The following GAD1 variants were observed in gnomAD, a reference collection of about 807,000 sequenced individuals.
GAD1 encodes the protein 67 kDa glutamic acid decarboxylase.
A neutral mutation model predicts 75.2 loss-of-function variants in GAD1; 35 were observed. The ratio of observed to expected loss-of-function variants is 0.47; its 90% CI spans 0.36 to 0.62. GAD1 has a LOEUF of 0.62. Among genes scored for constraint, GAD1 ranks in the 20% least tolerant of loss-of-function variants. The pLI, the probability that GAD1 is intolerant of heterozygous loss-of-function variation, is 0.00. For missense variants in GAD1, 490 were observed against 758.5 expected, an observed-to-expected ratio of 0.65 and a Z score of 4.16; for synonymous variants, 257 against 271.9, an observed-to-expected ratio of 0.95 and a Z score of 0.54.
chr2:170,816,496 TG>T (rs1235672263), upstream of GAD1: 6 of 139,776 alleles, frequency 4.3e-5, no homozygotes, highest in Non-Finnish European at 7.7e-5. Context: ...CTACAATATA[TG>T]GGAGGGGGAG....
chr2:170,822,573 G>T (rs1701917331), intron 3 of GAD1, among the ~76,000 whole-genome samples: 2 of 152,230 alleles, frequency 1.3e-5, no homozygotes, highest in African/African-American at 2.4e-5. Context: ...CAGACCAAAG[G>T]CGGTGTATCT....
chr2:170,827,812 A>G (rs1702059574), intron 3 of GAD1, among the ~76,000 whole-genome samples: 1 of 152,160 alleles, frequency 6.6e-6, no homozygotes, highest in Admixed American at 6.5e-5. Context: ...TTTTTGTACA[A>G]CAGGTGCTCA....
rs1702794443 is a variant in GAD1 at position 170,853,731 on chromosome 2, G to A, written c.1264-142G>A. The A allele has an allele frequency of 3.8e-6, 3 of 784,488 alleles. No homozygotes were observed. The highest frequency in any genetic ancestry group is 6.6e-6 in the Non-Finnish European group (3 of 456,992). The allele number at this position is 784,488 out of a possible 1,614,324, so 48.6% of individuals were successfully genotyped here. ...AGAGTGATTTTAGAAAAGGGCATCA[G>A]AACAAGTGTAAGGCCTCATAAAGAC... On this transcript the variant is annotated intron_variant, in intron 13 of 16. Transcript: ENST00000358196. This position sits in a 1 kb window ranked among gnomAD's most constrained non-coding sequence, Gnocchi z 4.1.
intron 5 of GAD1, among the ~76,000 whole-genome samples, chr2:170,833,827 C>G (rs1186136707): frequency 6.6e-6 from 1 of 152,110 alleles, no homozygotes; most frequent in Non-Finnish European, 1.5e-5. Flanking sequence ...GGGCAAAACC[C>G]CATCTCTACC....
At chr2:170,830,326 C>G (rs1702188854) in intron 4 of GAD1, among the ~76,000 whole-genome samples, 1 of 152,262 alleles carries the variant, frequency 6.6e-6, no homozygotes, top group Non-Finnish European at 1.5e-5. Context: ...TTTTCCCTGC[C>G]TAACCTCTAG....
intron 10 of GAD1, among the ~76,000 whole-genome samples, chr2:170,847,010 A>T (rs529108200): frequency 6.6e-6 from 1 of 152,332 alleles, no homozygotes; most frequent in East Asian, 1.9e-4. Context: ...TCTCAGAAAA[A>T]AAGAAAAGCT....
chr2:170,846,115 G>C, intron 10 of GAD1, 52 bp downstream of exon 10: 1 of 1,423,036 alleles, frequency 7.0e-7, no homozygotes, highest in Non-Finnish European at 9.9e-7. Flanking sequence ...CCTTCTTTCT[G>C]TCCTAGACAA....
Position 170,836,869 on chromosome 2 carries a change from G to A in GAD1, c.624G>A (p.Thr208=), listed in dbSNP as rs781046977. The part of the protein sequence containing the change: ...IGLAGEWLTS[T]ANTNMFTYEI... ...TAGCTGGAGAATGGCTGACATCAAC[G>A]GCCAATACCAACATGTAAGTCTCAT... The change falls in exon 6 of 17, where the codon ACG becomes ACA. Residue 208 remains threonine (T), a synonymous_variant. Coordinates refer to ENST00000358196, the MANE Select transcript of GAD1 (RefSeq NM_000817.3). The A allele has an allele frequency of 2.0e-5, 33 of 1,612,274 alleles. No homozygotes were observed. The highest frequency in any genetic ancestry group is 1.0e-4 in the Admixed American group (6 of 59,980).
At chr2:170,830,678 C>T (rs1009912339) in intron 4 of GAD1, among the ~76,000 whole-genome samples, 14 of 152,210 alleles carry the variant, frequency 9.2e-5, no homozygotes, top group African/African-American at 2.4e-4. Flanking sequence ...AGATGACAAC[C>T]GCAGTCGCAG....
intron 6 of GAD1, among the ~76,000 whole-genome samples, chr2:170,839,071 G>T (rs757379543): frequency 6.6e-6 from 1 of 152,216 alleles, no homozygotes; most frequent in Non-Finnish European, 1.5e-5. Context: ...TTGCTCCCTT[G>T]TGACAATTCC....
In GAD1 at chr2:170,847,672, G is replaced by A. The variant is rs778338137; in HGVS notation, c.1003-4G>A. 3.1e-6 allele frequency: 5 copies of A among 1,590,832 alleles called. No homozygotes were observed. Among genetic ancestry groups the A allele is most frequent in the Non-Finnish European group, 4.3e-6 (5 of 1,158,702 alleles). On this transcript the variant is annotated splice_region_variant and splice_polypyrimidine_tract_variant and intron_variant, in intron 10 of 16. Transcript: ENST00000358196. ...CATCAGCCTATATCTGTCTTACCTT[G>A]TAGGGATATGTTCCCTTTTATGTCA...
At chr2:170,841,354 A>G (rs1702511349) in intron 6 of GAD1, among the ~76,000 whole-genome samples, 1 of 152,118 alleles carries the variant, frequency 6.6e-6, no homozygotes, top group South Asian at 2.1e-4. Flanking sequence ...TTTTACTTGG[A>G]GAGAAGGACT....
rs757983906 is a variant in GAD1 at position 170,818,571 on chromosome 2, G to A, written c.-21G>A. 1.9e-6 allele frequency: 3 copies of A among 1,612,334 alleles called. No homozygotes were observed. The highest frequency in any genetic ancestry group is 2.7e-5 in the African/African-American group (2 of 74,880). ...CCAGTCGAGGACTCTGGACAGTAGA[G>A]GCCCCGGGACGACCGAGCTGATGGC... On this transcript the variant is annotated 5_prime_UTR_variant, in exon 2 of 17. Transcript: ENST00000358196. The surrounding 1 kb of genome is among the most constrained non-coding windows in gnomAD (Gnocchi z 5.9).
chr2:170,848,655 T>TTTTC, intron 11 of GAD1: 1 of 510,956 alleles, frequency 2.0e-6, no homozygotes, highest in South Asian at 1.4e-5. Flanking sequence ...GTATTTTTTT[T>TTTTC]TTTCTTTCTC....
At chr2:170,856,023 T>C (rs765146365) in intron 14 of GAD1, among the ~76,000 whole-genome samples, 1 of 152,144 alleles carries the variant, frequency 6.6e-6, no homozygotes, top group African/African-American at 2.4e-5. Context: ...CTGCTGCAGG[T>C]TTTGACCATA....
rs750606985 is a variant in GAD1 at position 170,830,987 on chromosome 2, G to A, written c.342G>A (p.Val114=). 2 of 1,614,060 alleles carry A rather than the reference G, an allele frequency of 1.2e-6. No individual in the cohort carries two copies. The highest frequency in any genetic ancestry group is 2.7e-5 in the African/African-American group (2 of 74,914). Residue 114 remains valine (V), a synonymous_variant, in exon 5 of 17, where the codon GTG becomes GTA. Transcript: ENST00000358196. The part of the protein sequence containing the change: ...LPAKNGEEQT[V]QFLLEVVDIL... ...CTAAGAACGGTGAGGAGCAAACCGTGCAATTCCTCCTGGAAGTGGTGGACA... is the reference window on the plus strand; with the variant it reads ...CTAAGAACGGTGAGGAGCAAACCGTACAATTCCTCCTGGAAGTGGTGGACA...
At chr2:170,856,305 T>C (rs1362109575) in intron 14 of GAD1, among the ~76,000 whole-genome samples, 3 of 152,242 alleles carry the variant, frequency 2.0e-5, no homozygotes, top group Non-Finnish European at 4.4e-5. Context: ...TTGGAACTAT[T>C]GCAATATCAG....
intron 3 of GAD1, among the ~76,000 whole-genome samples, chr2:170,823,237 G>T (rs1220593591): frequency 1.3e-5 from 2 of 152,200 alleles, no homozygotes; most frequent in African/African-American, 2.4e-5. Context: ...GGACACGCCC[G>T]CCCGCCCTAG....
intron 10 of GAD1, among the ~76,000 whole-genome samples, chr2:170,847,404 T>C (rs1221648117): frequency 1.3e-5 from 2 of 152,052 alleles, no homozygotes; most frequent in East Asian, 3.8e-4. Context: ...AACTCCGCAA[T>C]GACAGAATTC....
Sources: gnomAD v4.1 joint callset for allele counts (sites outside exome capture counted in the v4.1 genomes callset) on GRCh38, gnomAD v4.1.1 for gene constraint, Gnocchi (gnomAD v3.1) non-coding constraint, MANE v1.5 for transcripts, NCBI Gene and HGNC (gene_info 2026-07-23, HGNC 2026-07-21) for gene names.